Variants in SPMIP2 observed in about 807,000 individuals in gnomAD.
SPMIP2 encodes sperm microtubule inner protein 2.
At chr4:158,963,323 A>G in the SPMIP2 span, among the ~76,000 whole-genome samples, 19 of 151,906 alleles carry the variant, frequency 1.3e-4, no homozygotes, top group African/African-American at 4.6e-4. Flanking sequence ...TGTTTTTGAG[A>G]CAGGGTCTCG....
At chr4:159,067,435 T>C in the SPMIP2 span, among the ~76,000 whole-genome samples, 1 of 152,150 alleles carries the variant, frequency 6.6e-6, no homozygotes, top group Admixed American at 6.5e-5. Flanking sequence ...TTTGACATTT[T>C]GGCCAGGCTG....
At chr4:159,032,725 C>T in the SPMIP2 span, among the ~76,000 whole-genome samples, 12 of 149,824 alleles carry the variant, frequency 8.0e-5, no homozygotes, top group African/African-American at 2.2e-4. Context: ...TAAATGAAAA[C>T]GTAACATTGT....
chr4:159,038,252 A>G, the SPMIP2 span, among the ~76,000 whole-genome samples: 1 of 152,202 alleles, frequency 6.6e-6, no homozygotes, highest in African/African-American at 2.4e-5. Context: ...GCCATTTTGT[A>G]TTCTCATCCA....
chr4:158,903,527 A>G, the SPMIP2 span, among the ~76,000 whole-genome samples: 1 of 152,188 alleles, frequency 6.6e-6, no homozygotes, highest in Non-Finnish European at 1.5e-5. Context: ...ACGTGTAATC[A>G]TAAGCTTTTA....
the SPMIP2 span, among the ~76,000 whole-genome samples, chr4:159,078,813 T>G: frequency 6.6e-6 from 1 of 152,138 alleles, no homozygotes; most frequent in Non-Finnish European, 1.5e-5. Context: ...ACAAACTAAT[T>G]TGTCATGTAA....
the SPMIP2 span, among the ~76,000 whole-genome samples, chr4:158,974,126 T>C: frequency 1.4e-4 from 21 of 151,344 alleles, no homozygotes; most frequent in South Asian, 1.7e-3. Context: ...ACTCCGAAAA[T>C]GTATTAGCAA....
the SPMIP2 span, among the ~76,000 whole-genome samples, chr4:159,076,939 G>C: frequency 6.6e-6 from 1 of 151,730 alleles, no homozygotes; most frequent in Non-Finnish European, 1.5e-5. Context: ...AGGTTAGACC[G>C]ATTCTCCTGC....
chr4:159,078,531 T>G, the SPMIP2 span, among the ~76,000 whole-genome samples: 1 of 152,218 alleles, frequency 6.6e-6, no homozygotes, highest in Non-Finnish European at 1.5e-5. Context: ...AGCACTTCAC[T>G]AAGTTGGTCA....
the SPMIP2 span, among the ~76,000 whole-genome samples, chr4:159,062,889 T>C: frequency 1.3e-5 from 2 of 150,884 alleles, no homozygotes; most frequent in African/African-American, 4.9e-5. Context: ...GCAGGGTTTT[T>C]GCCATGTTGC....
chr4:159,061,711 T>A, the SPMIP2 span, among the ~76,000 whole-genome samples: 14 of 151,132 alleles, frequency 9.3e-5, no homozygotes, highest in African/African-American at 3.4e-4. Flanking sequence ...CTTGAGACAC[T>A]AAGACATGAG....
the SPMIP2 span, among the ~76,000 whole-genome samples, chr4:158,922,620 CCA>C: frequency 6.6e-6 from 1 of 152,112 alleles, no homozygotes; most frequent in Non-Finnish European, 1.5e-5. Flanking sequence ...ACTATTGAAT[CCA>C]CAGATATTTA....
At chr4:159,003,079 T>C in the SPMIP2 span, among the ~76,000 whole-genome samples, 2 of 152,246 alleles carry the variant, frequency 1.3e-5, no homozygotes, top group Non-Finnish European at 2.9e-5. Context: ...CTCTCTGCTA[T>C]ACAGGGAAAT....
the SPMIP2 span, among the ~76,000 whole-genome samples, chr4:159,030,323 G>T: frequency 6.6e-6 from 1 of 151,664 alleles, no homozygotes; most frequent in African/African-American, 2.4e-5. Context: ...GAGGTGGGAG[G>T]ATCACCTGAG....
At chr4:159,078,875 T>C in the SPMIP2 span, among the ~76,000 whole-genome samples, 1 of 152,112 alleles carries the variant, frequency 6.6e-6, no homozygotes, top group Admixed American at 6.6e-5. Context: ...CCCAGCACTT[T>C]GGGAGGCTGA....
At chr4:158,970,444 G>A in the SPMIP2 span, among the ~76,000 whole-genome samples, 2 of 152,100 alleles carry the variant, frequency 1.3e-5, no homozygotes, top group African/African-American at 4.8e-5. Flanking sequence ...GAAGGCCGAG[G>A]TAGGAGGATT....
the SPMIP2 span, among the ~76,000 whole-genome samples, chr4:158,974,463 C>T: frequency 6.6e-6 from 1 of 152,080 alleles, no homozygotes; most frequent in East Asian, 1.9e-4. Context: ...CCCCTTGCCC[C>T]CCACCCGCAA....
At chr4:159,067,708 C>G in the SPMIP2 span, among the ~76,000 whole-genome samples, 1 of 152,130 alleles carries the variant, frequency 6.6e-6, no homozygotes, top group Admixed American at 6.6e-5. Context: ...AAAATACCAT[C>G]AGAGTGAACA....
the SPMIP2 span, among the ~76,000 whole-genome samples, chr4:158,972,305 C>A: frequency 2.0e-5 from 3 of 152,088 alleles, no homozygotes; most frequent in African/African-American, 7.2e-5. Context: ...GAGGTTACAG[C>A]GAGTCAAGAT....
At chr4:158,972,294 C>T in the SPMIP2 span, among the ~76,000 whole-genome samples, 3 of 152,190 alleles carry the variant, frequency 2.0e-5, no homozygotes, top group Non-Finnish European at 2.9e-5. Flanking sequence ...CCCAGGAGGC[C>T]GAGGTTACAG....
Sources: allele counts gnomAD v4.1 joint callset (sites outside exome capture counted in the v4.1 genomes callset), GRCh38; gene constraint gnomAD v4.1.1; transcripts MANE v1.5; gene names NCBI Gene and HGNC (gene_info 2026-07-23, HGNC 2026-07-21).